SDK1: variants seen among roughly 807,000 people sequenced by gnomAD.
The protein encoded by SDK1 is sidekick cell adhesion molecule 1, also known as protein sidekick-1.
A neutral mutation model predicts 245.5 loss-of-function variants in SDK1; 157 were observed. The ratio of observed to expected loss-of-function variants is 0.64; its 90% CI spans 0.56 to 0.73. SDK1 has a LOEUF of 0.73. SDK1 is among the 30% of genes least tolerant of loss of function. The pLI, the probability that SDK1 is intolerant of heterozygous loss-of-function variation, is 0.00. For synonymous variants in SDK1, 1,647 were observed against 1,278.5 expected, an observed-to-expected ratio of 1.29 and a Z score of -6.15; for missense variants, 3,583 against 3,002.3, an observed-to-expected ratio of 1.19 and a Z score of -4.52.
At chr7:4,100,712 T>C (rs1782479041) in intron 22 of SDK1, among the ~76,000 whole-genome samples, 1 of 152,048 alleles carries the variant, frequency 6.6e-6, no homozygotes, top group South Asian at 2.1e-4. Context: ...CTCCCATTGC[T>C]TGTAAACCAC....
At chr7:3,935,029 C>G (rs1269727508) in intron 5 of SDK1, among the ~76,000 whole-genome samples, 1 of 152,228 alleles carries the variant, frequency 6.6e-6, no homozygotes, top group Non-Finnish European at 1.5e-5. Context: ...GCAAGAACAA[C>G]TTTGAGAGCA....
At chr7:3,486,174 G>C (rs1047832651) in intron 1 of SDK1, among the ~76,000 whole-genome samples, 1 of 151,784 alleles carries the variant, frequency 6.6e-6, no homozygotes, top group Non-Finnish European at 1.5e-5. Context: ...GAAAATTTTA[G>C]AACATTCTTC....
intron 5 of SDK1, among the ~76,000 whole-genome samples, chr7:3,931,538 C>T (rs1274499775): frequency 1.3e-5 from 2 of 152,170 alleles, no homozygotes; most frequent in East Asian, 3.9e-4. Context: ...CTAACCAAGT[C>T]CCTCCTTTGT....
At chr7:3,692,857 G>A (rs894483546) in intron 4 of SDK1, among the ~76,000 whole-genome samples, 4 of 151,878 alleles carry the variant, frequency 2.6e-5, no homozygotes, top group African/African-American at 9.7e-5. Flanking sequence ...TGGCACCATC[G>A]AGTATTGCAC....
chr7:3,785,506 AT>A (rs1418130514), intron 4 of SDK1, among the ~76,000 whole-genome samples: 2 of 152,218 alleles, frequency 1.3e-5, no homozygotes, highest in African/African-American at 4.8e-5. Context: ...ATTTTCAAAG[AT>A]TTTAAAAAGT....
At chr7:4,258,780 A>G (rs1218343746) in intron 44 of SDK1, among the ~76,000 whole-genome samples, 1 of 152,162 alleles carries the variant, frequency 6.6e-6, no homozygotes, top group Non-Finnish European at 1.5e-5. Flanking sequence ...GGGACCTGGG[A>G]ATATAGTCAA....
intron 7 of SDK1, among the ~76,000 whole-genome samples, chr7:3,955,086 C>T (rs1781151349): frequency 6.6e-6 from 1 of 152,212 alleles, no homozygotes; most frequent in African/African-American, 2.4e-5. Flanking sequence ...CACACGAAGC[C>T]AGCTGCTCCC....
intron 1 of SDK1, among the ~76,000 whole-genome samples, chr7:3,607,072 A>G (rs989754213): frequency 5.3e-5 from 8 of 152,190 alleles, no homozygotes; most frequent in African/African-American, 1.9e-4. Context: ...TCAATAGTGT[A>G]ATGTCATAGA....
At chr7:3,438,830 TCTTC>T (rs1382458289) in intron 1 of SDK1, among the ~76,000 whole-genome samples, 2 of 588 alleles carry the variant, frequency 3.4e-3, no homozygotes, top group Non-Finnish European at 2.2e-3. Context: ...AACCCTGTTT[TCTTC>T]CCCTTTGTAT....
Position 3,406,665 on chromosome 7 carries a change from TTTTGGATGTG to T in SDK1, c.298+104786_298+104795del, listed in dbSNP as rs34256848. ...AACGAGAATAAACCAACCTCCTAGT[TTTTGGATGTG>T]TTTGACACGAGGGGATGTTTAGGGG... On this transcript the variant is annotated intron_variant, in intron 1 of 44. Coordinates refer to ENST00000404826, the MANE Select transcript of SDK1 (RefSeq NM_152744.4). Among the ~76,000 whole-genome samples the T allele has an allele frequency of 9.8e-3, 1,490 of 152,262 alleles. 26 individuals carry two copies. Among genetic ancestry groups the T allele is most frequent in the African/African-American group, 0.034 (1,404 of 41,534 alleles).
intron 1 of SDK1, among the ~76,000 whole-genome samples, chr7:3,615,427 C>G (rs1781735504): frequency 6.6e-6 from 1 of 151,860 alleles, no homozygotes; most frequent in South Asian, 2.1e-4. Context: ...GCAGCAGAAG[C>G]AGGCAGAACT....
At chr7:3,666,331 C>G (rs1168212870) in intron 4 of SDK1, among the ~76,000 whole-genome samples, 1 of 152,228 alleles carries the variant, frequency 6.6e-6, no homozygotes, top group Non-Finnish European at 1.5e-5. Context: ...CCAGCTGCCC[C>G]AGGTCTCTTG....
In SDK1 at chr7:4,156,032, C is replaced by T. The variant is rs550450663; in HGVS notation, c.4626-2416C>T. ...GCCCCACACCACACACCTGACTCTGCTGAGTGTCTCACCTGAGTTTAAGCC... is the reference window on the plus strand; with the variant it reads ...GCCCCACACCACACACCTGACTCTGTTGAGTGTCTCACCTGAGTTTAAGCC... On this transcript the variant is annotated intron_variant, in intron 30 of 44. Transcript: ENST00000404826. Among the ~76,000 whole-genome samples, 57 of 152,318 alleles carry T rather than the reference C, an allele frequency of 3.7e-4. 1 individual carries two copies. Among genetic ancestry groups the T allele is most frequent in the African/African-American group, 1.3e-3 (52 of 41,568 alleles).
chr7:3,600,077 T>C (rs1285860345), intron 1 of SDK1, among the ~76,000 whole-genome samples: 1 of 152,216 alleles, frequency 6.6e-6, no homozygotes, highest in Non-Finnish European at 1.5e-5. Flanking sequence ...TGTCTCCTCA[T>C]TTAATTCAGT....
chr7:3,694,242 T>C (rs1784511498), intron 4 of SDK1, among the ~76,000 whole-genome samples: 1 of 152,102 alleles, frequency 6.6e-6, no homozygotes, highest in Non-Finnish European at 1.5e-5. Context: ...TGAAAGCTCT[T>C]TGAGATGTGA....
chr7:3,550,280 A>G (rs1562556415), intron 1 of SDK1, among the ~76,000 whole-genome samples: 1 of 152,210 alleles, frequency 6.6e-6, no homozygotes, highest in East Asian at 1.9e-4. Context: ...ATAATATTTC[A>G]GTGCCTGAAA....
chr7:3,582,848 T>A (rs1340922892), intron 1 of SDK1, among the ~76,000 whole-genome samples: 1 of 152,170 alleles, frequency 6.6e-6, no homozygotes, highest in Non-Finnish European at 1.5e-5. Context: ...ACCTGCTGTT[T>A]TCCAACTCAG....
chr7:3,714,329 G>A (rs926295855), intron 4 of SDK1, among the ~76,000 whole-genome samples: 1 of 152,178 alleles, frequency 6.6e-6, no homozygotes, highest in Non-Finnish European at 1.5e-5. Flanking sequence ...ACTATTCTTA[G>A]AATTAAATAT....
At chr7:3,302,022 C>A in intron 1 of SDK1, 138 bp downstream of exon 1, 3 of 547,584 alleles carry the variant, frequency 5.5e-6, no homozygotes, top group Non-Finnish European at 4.8e-6. Context: ...CTCTAGGGAG[C>A]CCAGGGGCTC....
Sources: gnomAD v4.1 joint callset for allele counts (sites outside exome capture counted in the v4.1 genomes callset) on GRCh38, gnomAD v4.1.1 for gene constraint, MANE v1.5 for transcripts, NCBI Gene and HGNC (gene_info 2026-07-23, HGNC 2026-07-21) for gene names.